The following PRKCE variants were observed in gnomAD, a reference collection of about 807,000 sequenced individuals.
PRKCE encodes protein kinase C epsilon type.
In PRKCE, 16 loss-of-function variants were observed where a neutral mutation model predicts 85.4. The ratio of observed to expected loss-of-function variants is 0.19; its 90% CI spans 0.13 to 0.28. The LOEUF is 0.28. Among genes scored for constraint, PRKCE ranks in the 10% least tolerant of loss-of-function variants. PRKCE has a pLI of 1.00. For synonymous variants in PRKCE, 388 were observed against 371.5 expected (o/e 1.04, Z -0.51); for missense variants, 573 against 975.2 (o/e 0.59, Z 5.49).
chr2:45,828,358 C>G (rs1010464404), intron 1 of PRKCE, among the ~76,000 whole-genome samples: 1 of 152,170 alleles, frequency 6.6e-6, no homozygotes, highest in East Asian at 1.9e-4. Flanking sequence ...CAAGGTAGCA[C>G]CACTGCTCTC....
At position 46,084,849 on chromosome 2, in the gene PRKCE, C is replaced by G. The variant is rs571162884; in HGVS notation, c.1438-1359C>G. On this transcript the variant is annotated intron_variant, in intron 10 of 14. Coordinates refer to ENST00000306156, the MANE Select transcript of PRKCE (RefSeq NM_005400.3). ...GGCCCCTAAACTTGCTCACTCCGTT[C>G]CCATGTCCTGGCATTGGTTCCTGCT... 2.0e-5 allele frequency among the ~76,000 whole-genome samples: 3 copies of G among 152,260 alleles called. No homozygotes were observed. The South Asian group carries it at 6.2e-4, about 32-fold the overall frequency.
At chr2:45,686,401 C>T (rs998791426) in intron 1 of PRKCE, 1 of 152,146 alleles carries the variant, frequency 6.6e-6, no homozygotes, top group Non-Finnish European at 1.5e-5. Context: ...TTTCTGTGGG[C>T]ACTAGCTGAT....
chr2:45,722,315 CT>C (rs1680690792), intron 1 of PRKCE, among the ~76,000 whole-genome samples: 1 of 152,132 alleles, frequency 6.6e-6, no homozygotes, highest in Non-Finnish European at 1.5e-5. Flanking sequence ...CAGCTGGATT[CT>C]TTTATTTGCT....
At chr2:46,024,906 G>C (rs1037566521) in intron 10 of PRKCE, among the ~76,000 whole-genome samples, 3 of 152,156 alleles carry the variant, frequency 2.0e-5, no homozygotes, top group East Asian at 1.9e-4. Context: ...GAAACACGTT[G>C]TCATGAATGG....
chr2:45,708,694 G>C (rs901965225), intron 1 of PRKCE, among the ~76,000 whole-genome samples: 1 of 152,224 alleles, frequency 6.6e-6, no homozygotes, highest in African/African-American at 2.4e-5. Context: ...TAATACACCA[G>C]GTATGGCCAG....
chr2:45,682,093 C>T (rs924229986), intron 1 of PRKCE, among the ~76,000 whole-genome samples: 3 of 152,156 alleles, frequency 2.0e-5, no homozygotes, highest in African/African-American at 7.2e-5. Flanking sequence ...TTTATCCAAA[C>T]AATCATAAAT....
chr2:46,051,809 A>G (rs1708875506), intron 10 of PRKCE, among the ~76,000 whole-genome samples: 2 of 152,204 alleles, frequency 1.3e-5, no homozygotes, highest in African/African-American at 4.8e-5. Flanking sequence ...AATTGTCTCA[A>G]AGTTCCACGC....
intron 11 of PRKCE, among the ~76,000 whole-genome samples, chr2:46,119,285 A>G (rs951989509): frequency 2.6e-5 from 4 of 152,098 alleles, no homozygotes; most frequent in Non-Finnish European, 5.9e-5. Context: ...AAGAGAAAAA[A>G]AAAGGGGGGG....
intron 11 of PRKCE, among the ~76,000 whole-genome samples, chr2:46,103,711 T>C (rs760136944): frequency 6.6e-6 from 1 of 152,210 alleles, no homozygotes; most frequent in African/African-American, 2.4e-5. Context: ...ATGTATTATA[T>C]ACTATATTCT....
Position 46,184,987 on chromosome 2 carries a change from C to A in PRKCE, c.*106C>A. 1 of 1,430,944 alleles carries A rather than the reference C, an allele frequency of 7.0e-7. No homozygotes were observed. The highest frequency in any genetic ancestry group is 9.5e-7 in the Non-Finnish European group (1 of 1,054,358). 88.6% of individuals were successfully genotyped at this position (1,430,944 alleles called of 1,614,324 possible). ...CTTGAACTACTTCTCCTCCTCGGAG[C>A]CCCAGTCCCATGTCCACTGTCTATT... On this transcript the variant is annotated 3_prime_UTR_variant, in exon 15 of 15. Transcript: ENST00000306156. This position sits in a 1 kb window ranked among gnomAD's most constrained non-coding sequence, Gnocchi z 5.0.
chr2:46,125,517 G>T (rs374271347), intron 11 of PRKCE, among the ~76,000 whole-genome samples: 7 of 152,198 alleles, frequency 4.6e-5, no homozygotes, highest in African/African-American at 1.7e-4. Context: ...CTTAAGAAGA[G>T]GCTGGGGGAG....
intron 10 of PRKCE, among the ~76,000 whole-genome samples, chr2:46,061,896 C>T (rs1293347381): frequency 5.7e-5 from 7 of 123,058 alleles, no homozygotes; most frequent in Admixed American, 3.3e-4. Context: ...CTCGTTCTGT[C>T]GCCCAGGAGG....
At chr2:45,980,798 A>G (rs1339101547) in intron 5 of PRKCE, among the ~76,000 whole-genome samples, 4 of 152,332 alleles carry the variant, frequency 2.6e-5, no homozygotes, top group Non-Finnish European at 4.4e-5. Context: ...AGCAAGCCCA[A>G]GGAATACTTA....
At chr2:45,828,014 C>T (rs1364199014) in intron 1 of PRKCE, among the ~76,000 whole-genome samples, 1 of 152,056 alleles carries the variant, frequency 6.6e-6, no homozygotes, top group Non-Finnish European at 1.5e-5. Context: ...CCTGTACATA[C>T]AAAGATAGTG....
chr2:46,097,122 T>G (rs1227680968), intron 11 of PRKCE, among the ~76,000 whole-genome samples: 1 of 152,174 alleles, frequency 6.6e-6, no homozygotes, highest in East Asian at 1.9e-4. Flanking sequence ...ATTTTATTCT[T>G]GTGGTCACTT....
chr2:45,975,100 G>A (rs1702357163), intron 2 of PRKCE, among the ~76,000 whole-genome samples: 2 of 152,206 alleles, frequency 1.3e-5, no homozygotes, highest in South Asian at 4.1e-4. Flanking sequence ...TCCCCACTGA[G>A]TAGCTGTGTT....
chr2:45,654,510 G>T (rs1009834265), intron 1 of PRKCE, among the ~76,000 whole-genome samples: 1 of 152,176 alleles, frequency 6.6e-6, no homozygotes. Flanking sequence ...GGCCCTCACC[G>T]CCTGTTGCCC....
chr2:45,846,053 A>T (rs750836985), intron 2 of PRKCE, among the ~76,000 whole-genome samples: 4 of 152,264 alleles, frequency 2.6e-5, no homozygotes, highest in Non-Finnish European at 5.9e-5. Flanking sequence ...AAATGCTCTT[A>T]TGGGAAGCTC....
At chr2:45,868,157 C>T (rs1052835630) in intron 2 of PRKCE, among the ~76,000 whole-genome samples, 24 of 144,108 alleles carry the variant, frequency 1.7e-4, no homozygotes, top group African/African-American at 6.1e-4. Flanking sequence ...AACAAACAAA[C>T]AAAAAACAAA....
Sources: allele counts gnomAD v4.1 joint callset (sites outside exome capture counted in the v4.1 genomes callset), GRCh38; gene constraint gnomAD v4.1.1; non-coding constraint Gnocchi (gnomAD v3.1); transcripts MANE v1.5; gene names NCBI Gene and HGNC (gene_info 2026-07-23, HGNC 2026-07-21).